The following SAMD4A variants were observed in gnomAD, a reference collection of about 807,000 sequenced individuals.
The protein encoded by SAMD4A is sterile alpha motif domain containing 4A.
In SAMD4A, 33 loss-of-function variants were observed where a neutral mutation model predicts 81.3. The ratio of observed to expected loss-of-function variants is 0.41; its 90% confidence interval spans 0.31 to 0.54. SAMD4A has a LOEUF of 0.54. Ranked by LOEUF, SAMD4A falls within the 20% of genes least tolerant of loss-of-function variation. The probability of loss-of-function intolerance (pLI) is 0.37; values close to 1 mark genes in which losing one functional copy is unlikely to be tolerated. For missense variants in SAMD4A, 854 were observed against 951.1 expected (o/e 0.90, Z 1.34); for synonymous variants, 389 against 382.1 (o/e 1.02, Z -0.21).
chr14:54,664,625 C>A (rs577831192), intron 2 of SAMD4A, among the ~76,000 whole-genome samples: 1 of 152,038 alleles, frequency 6.6e-6, no homozygotes, highest in African/African-American at 2.4e-5. Context: ...TCTTCTCTCT[C>A]CTTCTTACTC....
chr14:54,782,579 T>C (rs2039025333), intron 11 of SAMD4A, among the ~76,000 whole-genome samples: 1 of 152,174 alleles, frequency 6.6e-6, no homozygotes, highest in Admixed American at 6.5e-5. Context: ...GGAAGCTCAG[T>C]CGGCCTCCGT....
chr14:54,721,661 G>C (rs2037265795), intron 3 of SAMD4A, among the ~76,000 whole-genome samples: 1 of 152,180 alleles, frequency 6.6e-6, no homozygotes, highest in East Asian at 1.9e-4. Context: ...AAGAAGACTA[G>C]AACTAGAGCT....
chr14:54,595,209 G>A (rs974406863), intron 2 of SAMD4A, among the ~76,000 whole-genome samples: 4 of 151,976 alleles, frequency 2.6e-5, no homozygotes, highest in Admixed American at 2.6e-4. Context: ...AGCCATTTTA[G>A]TTCACTCTAC....
chr14:54,645,260 A>C (rs1006610330), intron 2 of SAMD4A, among the ~76,000 whole-genome samples: 2 of 152,166 alleles, frequency 1.3e-5, no homozygotes, highest in Admixed American at 1.3e-4. Flanking sequence ...TGAGCCGAGG[A>C]GTTTGAAACC....
At chr14:54,741,771 A>G (rs1594884681) in intron 4 of SAMD4A, among the ~76,000 whole-genome samples, 1 of 152,220 alleles carries the variant, frequency 6.6e-6, no homozygotes, top group South Asian at 2.1e-4. Context: ...GCATGACTAC[A>G]GGTCAGCCAA....
At chr14:54,766,185 C>T (rs1306983130) in intron 8 of SAMD4A, among the ~76,000 whole-genome samples, 1 of 152,192 alleles carries the variant, frequency 6.6e-6, no homozygotes, top group East Asian at 1.9e-4. Flanking sequence ...AGGCCTTCTC[C>T]CCACAAGCCT....
At chr14:54,706,629 G>GA (rs1023040164) in intron 3 of SAMD4A, among the ~76,000 whole-genome samples, 7 of 128,560 alleles carry the variant, frequency 5.4e-5, no homozygotes, top group African/African-American at 1.8e-4. Context: ...AAGAAAGAAA[G>GA]AAAAAAACCA....
intron 11 of SAMD4A, among the ~76,000 whole-genome samples, chr14:54,778,600 C>T (rs1283842423): frequency 6.6e-6 from 1 of 152,184 alleles, no homozygotes; most frequent in African/African-American, 2.4e-5. Context: ...GGACTTAAAA[C>T]TCTGGAACGC....
intron 2 of SAMD4A, among the ~76,000 whole-genome samples, chr14:54,592,052 C>T (rs552368195): frequency 6.6e-6 from 1 of 152,198 alleles, no homozygotes; most frequent in South Asian, 2.1e-4. Context: ...GCTCCCCCCT[C>T]TTCCCCCTCC....
intron 2 of SAMD4A, among the ~76,000 whole-genome samples, chr14:54,575,364 G>A (rs972304363): frequency 6.6e-6 from 1 of 152,176 alleles, no homozygotes; most frequent in African/African-American, 2.4e-5. Context: ...AACTGGCCCA[G>A]GTGGTTTCCT....
At chr14:54,735,981 G>A (rs944727099) in intron 3 of SAMD4A, among the ~76,000 whole-genome samples, 2 of 152,304 alleles carry the variant, frequency 1.3e-5, no homozygotes, top group South Asian at 2.1e-4. Flanking sequence ...GCTCAATTCC[G>A]TGTTAGTACA....
intron 2 of SAMD4A, among the ~76,000 whole-genome samples, chr14:54,684,599 G>C (rs2036206412): frequency 9.4e-6 from 1 of 106,248 alleles, no homozygotes; most frequent in Non-Finnish European, 2.2e-5. Flanking sequence ...GTTTCCATTG[G>C]CCAGACACCC....
chr14:54,694,953 T>C (rs2036540944), intron 2 of SAMD4A: 1 of 983,448 alleles, frequency 1.0e-6, no homozygotes, highest in Non-Finnish European at 1.2e-6. Flanking sequence ...AAGTATCTGC[T>C]AGGGCAAGAG....
intron 3 of SAMD4A, among the ~76,000 whole-genome samples, chr14:54,706,252 G>A (rs2036848603): frequency 7.1e-6 from 1 of 141,478 alleles, no homozygotes; most frequent in Non-Finnish European, 1.5e-5. Context: ...CTGCACTCCA[G>A]CCTGGGTGAC....
At chr14:54,686,084 T>A (rs937393853) in intron 2 of SAMD4A, among the ~76,000 whole-genome samples, 5 of 152,108 alleles carry the variant, frequency 3.3e-5, no homozygotes, top group African/African-American at 1.2e-4. Context: ...GGGTGGTGAG[T>A]CCAGCTTTCT....
In SAMD4A at chr14:54,748,807, C is replaced by T. The variant is rs375476232; in HGVS notation, c.980-8C>T. The T allele has an allele frequency of 1.0e-4, 156 of 1,537,632 alleles. No individual in the cohort carries two copies. Among genetic ancestry groups the T allele is most frequent in the Non-Finnish European group, 8.3e-5 (94 of 1,134,194 alleles). On this transcript the variant is annotated splice_polypyrimidine_tract_variant and splice_region_variant and intron_variant, in intron 4 of 12. Transcript: ENST00000554335. The stretch of plus-strand genomic sequence containing the variant: ...CTCTCCCCATCTCTTGCACATCTTG[C>T]ACCACAGATGTTCCAGCCTGGCTGA...
At chr14:54,785,050 C>T (rs1291881646) in intron 12 of SAMD4A, among the ~76,000 whole-genome samples, 1 of 152,228 alleles carries the variant, frequency 6.6e-6, no homozygotes, top group Non-Finnish European at 1.5e-5. Flanking sequence ...CCAGCCTGGT[C>T]CAAGCATAGC....
At chr14:54,630,425 A>AATG in intron 2 of SAMD4A, among the ~76,000 whole-genome samples, 1 of 152,316 alleles carries the variant, frequency 6.6e-6, no homozygotes, top group East Asian at 1.9e-4. Flanking sequence ...GCATTTCCCG[A>AATG]ATGATGGGTG....
intron 2 of SAMD4A, among the ~76,000 whole-genome samples, chr14:54,677,037 C>T (rs1409672617): frequency 6.6e-6 from 1 of 152,166 alleles, no homozygotes; most frequent in Admixed American, 6.5e-5. Context: ...CATGTGTTTC[C>T]GTCGTTTAGT....
Sources: gnomAD v4.1 joint callset for allele counts (sites outside exome capture counted in the v4.1 genomes callset) on GRCh38, gnomAD v4.1.1 for gene constraint, MANE v1.5 for transcripts, NCBI Gene and HGNC (gene_info 2026-07-23, HGNC 2026-07-21) for gene names.